Variants in SLC38A8 observed in about 807,000 individuals in gnomAD.
SLC38A8 encodes amino acid transporter SLC38A8.
In SLC38A8, 65 loss-of-function variants were observed where a neutral mutation model predicts 46.0. That is an observed-to-expected ratio of 1.41 (90% CI 1.16 to 1.74). The LOEUF (loss-of-function observed/expected upper bound fraction) is 1.74. SLC38A8 is among the 40% of genes most tolerant of loss of function. The pLI, the probability that SLC38A8 is intolerant of heterozygous loss-of-function variation, is 0.00. For missense variants in SLC38A8, 998 were observed against 567.9 expected (o/e 1.76, Z -7.70); for synonymous variants, 447 against 243.7 (o/e 1.83, Z -7.77).
At chr16:84,037,952 GCACA>G (rs1211449411) in intron 2 of SLC38A8, among the ~76,000 whole-genome samples, 3 of 151,912 alleles carry the variant, frequency 2.0e-5, no homozygotes, top group African/African-American at 7.3e-5. Context: ...GGGACTACAG[GCACA>G]CACCACCACA....
intron 7 of SLC38A8, among the ~76,000 whole-genome samples, chr16:84,020,193 G>A (rs550244945): frequency 9.9e-5 from 15 of 151,814 alleles, no homozygotes; most frequent in Middle Eastern, 3.4e-3. Flanking sequence ...CAGGCTGGAG[G>A]GCGGTGGCAC....
chr16:84,022,960 A>G, intron 6 of SLC38A8, 71 bp from the exon 7 acceptor site: 1 of 1,108,782 alleles, frequency 9.0e-7, no homozygotes, highest in Non-Finnish European at 1.3e-6. Flanking sequence ...AAAAACTCAT[A>G]TCCAAAAGGC....
intron 9 of SLC38A8, among the ~76,000 whole-genome samples, chr16:84,015,982 G>C (rs969551721): frequency 6.6e-6 from 1 of 152,224 alleles, no homozygotes; most frequent in African/African-American, 2.4e-5. Flanking sequence ...CCCAGCCAGA[G>C]GCTAGGTAAT....
At chr16:84,033,569 C>G in intron 3 of SLC38A8, 100 bp from the exon 4 acceptor site, 1 of 1,365,694 alleles carries the variant, frequency 7.3e-7, no homozygotes. Flanking sequence ...GGACATCCAC[C>G]CTCAGCCAGC....
chr16:84,025,886 C>A (rs925039379), intron 6 of SLC38A8, among the ~76,000 whole-genome samples: 4 of 152,244 alleles, frequency 2.6e-5, no homozygotes, highest in African/African-American at 7.2e-5. Flanking sequence ...TCCTGTCCTA[C>A]AGGAGGGCTC....
chr16:84,011,580 G>T (rs572299718), intron 10 of SLC38A8, among the ~76,000 whole-genome samples: 4 of 152,164 alleles, frequency 2.6e-5, no homozygotes, highest in Non-Finnish European at 4.4e-5. Flanking sequence ...GTGAAGGGTG[G>T]CCCCCAAAAT....
At chr16:84,023,320 C>A (rs979035356) in intron 6 of SLC38A8, among the ~76,000 whole-genome samples, 4 of 152,158 alleles carry the variant, frequency 2.6e-5, no homozygotes, top group African/African-American at 9.7e-5. Context: ...GCAGGACTTG[C>A]ATCAGGAATA....
intron 6 of SLC38A8, among the ~76,000 whole-genome samples, chr16:84,024,510 G>C (rs150004933): frequency 6.6e-6 from 1 of 152,064 alleles, no homozygotes; most frequent in African/African-American, 2.4e-5. Context: ...GGAGGGAGCG[G>C]TGGCTCACGC....
In SLC38A8 at chr16:84,018,223, C is replaced by CTTTT. The variant is rs796178053; in HGVS notation, c.806-940_806-937dup. On this transcript the variant is annotated intron_variant, in intron 7 of 10. Coordinates refer to ENST00000299709, the MANE Select transcript of SLC38A8 (RefSeq NM_001080442.3). ...ATGAGCTCTGACTCAGCCCTCATTCCTTTTTTTTTTTTTTTTTTTTTTTTT... is the reference window on the plus strand; with the variant it reads ...ATGAGCTCTGACTCAGCCCTCATTCCTTTTTTTTTTTTTTTTTTTTTTTTTTTTT... 1.2e-3 allele frequency among the ~76,000 whole-genome samples: 92 copies of CTTTT among 79,942 alleles called. 7 individuals carry two copies. Among genetic ancestry groups the CTTTT allele is most frequent in the East Asian group, 7.7e-3 (14 of 1,810 alleles). 52.4% of individuals were successfully genotyped at this position (79,942 alleles called of 152,430 possible).
intron 3 of SLC38A8, 125 bp downstream of exon 3, chr16:84,036,577 G>A: frequency 9.4e-7 from 1 of 1,059,174 alleles, no homozygotes; most frequent in African/African-American, 1.6e-5. Flanking sequence ...ACAAGAGTGT[G>A]GTTTCAGCCT....
chr16:84,031,220 A>G (rs1344045184), intron 5 of SLC38A8, among the ~76,000 whole-genome samples: 1 of 151,856 alleles, frequency 6.6e-6, no homozygotes, highest in Non-Finnish European at 1.5e-5. Context: ...TTATATTTTT[A>G]TGTAGAGACA....
At chr16:84,032,112 T>A (rs2085247352) in intron 4 of SLC38A8, 144 bp from the exon 5 acceptor site, 1 of 681,246 alleles carries the variant, frequency 1.5e-6, no homozygotes, top group East Asian at 2.7e-5. Context: ...ACCATCCTCA[T>A]CTGTACAGGG....
intron 7 of SLC38A8, 152 bp from the exon 8 acceptor site, chr16:84,017,439 G>T: frequency 1.1e-6 from 1 of 871,120 alleles, no homozygotes; most frequent in Non-Finnish European, 1.7e-6. Flanking sequence ...AAGCTTTCCT[G>T]TCCTAAGCCT....
chr16:84,037,733 C>G (rs978073715), intron 2 of SLC38A8, among the ~76,000 whole-genome samples: 1 of 149,782 alleles, frequency 6.7e-6, no homozygotes, highest in Non-Finnish European at 1.5e-5. Flanking sequence ...TGTACTCCAG[C>G]CTGGGGGATA....
At chr16:84,013,324 C>T (rs117911024) in intron 9 of SLC38A8, among the ~76,000 whole-genome samples, 1 of 152,128 alleles carries the variant, frequency 6.6e-6, no homozygotes, top group East Asian at 1.9e-4. Context: ...ACATGCCCCC[C>T]CACAGCAGAG....
intron 2 of SLC38A8, among the ~76,000 whole-genome samples, chr16:84,038,470 G>C (rs2085328024): frequency 6.6e-6 from 1 of 152,106 alleles, no homozygotes; most frequent in East Asian, 1.9e-4. Context: ...CCATCTTAAT[G>C]GATCAGCATT....
At chr16:84,036,056 T>G (rs778320539) in intron 3 of SLC38A8, among the ~76,000 whole-genome samples, 18 of 152,218 alleles carry the variant, frequency 1.2e-4, no homozygotes, top group African/African-American at 4.1e-4. Context: ...CCAGTCTCAC[T>G]GGATCTCAAA....
At chr16:84,035,935 C>T (rs12922231) in intron 3 of SLC38A8, among the ~76,000 whole-genome samples, 36,329 of 152,128 alleles carry the variant, frequency 0.24, 4,395 homozygotes, top group South Asian at 0.27. Context: ...TGTTGACTGC[C>T]TTGACCTAAT....
At chr16:84,025,887 A>G (rs1429127744) in intron 6 of SLC38A8, among the ~76,000 whole-genome samples, 1 of 152,184 alleles carries the variant, frequency 6.6e-6, no homozygotes, top group Non-Finnish European at 1.5e-5. Flanking sequence ...CCTGTCCTAC[A>G]GGAGGGCTCT....
Sources: allele counts gnomAD v4.1 joint callset (sites outside exome capture counted in the v4.1 genomes callset), GRCh38; gene constraint gnomAD v4.1.1; transcripts MANE v1.5; gene names NCBI Gene and HGNC (gene_info 2026-07-23, HGNC 2026-07-21).